The following PCDHGB3 variants were observed in gnomAD, a reference collection of about 807,000 sequenced individuals.
PCDHGB3 encodes protocadherin gamma-B3.
Under a neutral mutation model 59.2 loss-of-function variants are expected in PCDHGB3, and 40 were observed. That is an observed-to-expected ratio of 0.68 (90% CI 0.52 to 0.88). The LOEUF is 0.88. Ranked by LOEUF, PCDHGB3 falls within the 40% of genes least tolerant of loss-of-function variation. The probability of loss-of-function intolerance (pLI) is 0.00; values close to 1 mark genes in which losing one functional copy is unlikely to be tolerated. For synonymous variants in PCDHGB3, 581 were observed against 503.6 expected (o/e 1.15, Z -2.06); for missense variants, 1,309 against 1,187.9 (o/e 1.10, Z -1.50).
At chr5:141,404,296 T>C in intron 1 of PCDHGB3, 1 of 1,613,946 alleles carries the variant, frequency 6.2e-7, no homozygotes, top group Non-Finnish European at 8.5e-7. Flanking sequence ...TCAATGATAA[T>C]CCACCTGCTT....
In PCDHGB3 at chr5:141,371,845, A is replaced by G; in HGVS notation, c.1451A>G (p.Asn484Ser). ...VRASDPDLGP[N>S]GLVSYYIVAS... ...GCCTCGGATCCCGACTTGGGACCTA[A>G]TGGCCTTGTCTCCTACTACATCGTG... Residue 484 changes from asparagine (N) to serine (S), a missense_variant, in exon 1 of 4, where the codon AAT becomes AGT. Coordinates refer to ENST00000576222, the MANE Select transcript of PCDHGB3 (RefSeq NM_018924.5). 1 of 1,613,664 alleles carries G rather than the reference A, an allele frequency of 6.2e-7. No homozygotes were observed. The highest frequency in any genetic ancestry group is 8.5e-7 in the Non-Finnish European group (1 of 1,179,892).
intron 1 of PCDHGB3, chr5:141,409,547 G>A (rs760802690): frequency 1.2e-6 from 2 of 1,613,936 alleles, no homozygotes; most frequent in Non-Finnish European, 1.7e-6. Flanking sequence ...CAACGACAAC[G>A]CCCCAGTTTT....
In PCDHGB3 at chr5:141,389,782, G is replaced by C. The variant is rs768524617; in HGVS notation, c.2415+16973G>C. 4 of 1,613,192 alleles carry C rather than the reference G, an allele frequency of 2.5e-6. No individual in the cohort carries two copies. In the African/African-American group the frequency reaches 5.3e-5, roughly 22 times the overall value. On this transcript the variant is annotated intron_variant, in intron 1 of 3. Transcript: ENST00000576222. ...CGCACAGCGCGTGCCTTAGGCGACAGGGACGCCGTCCGCCAGCGCCTTCTG... is the reference window on the plus strand; with the variant it reads ...CGCACAGCGCGTGCCTTAGGCGACACGGACGCCGTCCGCCAGCGCCTTCTG...
intron 1 of PCDHGB3, chr5:141,384,111 G>A: frequency 6.2e-7 from 1 of 1,604,746 alleles, no homozygotes; most frequent in Non-Finnish European, 8.5e-7. Context: ...ATTATAGATT[G>A]GTCACAACCA....
chr5:141,375,317 C>A (rs758382127), intron 1 of PCDHGB3: 10 of 1,613,790 alleles, frequency 6.2e-6, no homozygotes, highest in South Asian at 2.2e-5. Flanking sequence ...AGCTCTAGAC[C>A]GGGAAGAGGT....
chr5:141,397,087 A>G (rs1386683594), intron 1 of PCDHGB3, among the ~76,000 whole-genome samples: 3 of 152,240 alleles, frequency 2.0e-5, no homozygotes, highest in African/African-American at 7.2e-5. Context: ...AAGTCATTTC[A>G]GATAGGATAA....
chr5:141,420,238 T>C, intron 1 of PCDHGB3: 2 of 1,594,838 alleles, frequency 1.3e-6, no homozygotes, highest in South Asian at 1.1e-5. Context: ...GCATTTTAAC[T>C]CCCAGCGTTG....
At chr5:141,416,859 G>C (rs1411419006) in intron 1 of PCDHGB3, 1 of 151,936 alleles carries the variant, frequency 6.6e-6, no homozygotes, top group African/African-American at 2.4e-5. Context: ...ATTTTTTTCA[G>C]GTCAGTCAAC....
At chr5:141,475,950 C>T (rs1236145505) in intron 1 of PCDHGB3, 3 of 761,526 alleles carry the variant, frequency 3.9e-6, no homozygotes, top group East Asian at 2.7e-5. Context: ...CCCCTTTCTG[C>T]GCCCCGGGAT....
intron 1 of PCDHGB3, chr5:141,430,826 CT>C (rs765096486): frequency 1.3e-6 from 2 of 1,550,416 alleles, no homozygotes; most frequent in East Asian, 2.2e-5. Flanking sequence ...CCTGGGGACT[CT>C]GTGGGAGACC....
intron 1 of PCDHGB3, chr5:141,390,162 A>G: frequency 6.2e-7 from 1 of 1,614,024 alleles, no homozygotes; most frequent in African/African-American, 1.3e-5. Context: ...TACAGGAAAG[A>G]CGGAGTTTAA....
intron 1 of PCDHGB3, chr5:141,422,654 C>T: frequency 1.2e-6 from 2 of 1,610,030 alleles, no homozygotes; most frequent in Non-Finnish European, 1.7e-6. Flanking sequence ...TTCTCAGTGA[C>T]CGCCCTCGAC....
chr5:141,409,409 A>C, intron 1 of PCDHGB3: 4 of 1,614,046 alleles, frequency 2.5e-6, no homozygotes, highest in Non-Finnish European at 3.4e-6. Flanking sequence ...TAACTACTAC[A>C]AACTGGTGAC....
intron 1 of PCDHGB3, chr5:141,391,966 T>A (rs1389260854): frequency 1.3e-5 from 2 of 152,162 alleles, no homozygotes; most frequent in African/African-American, 2.4e-5. Context: ...ACAATGTAAA[T>A]AAAATAGCAA....
chr5:141,451,536 G>A (rs1183287437), intron 1 of PCDHGB3, among the ~76,000 whole-genome samples: 1 of 152,202 alleles, frequency 6.6e-6, no homozygotes, highest in Non-Finnish European at 1.5e-5. Context: ...GAGAGTGCCA[G>A]AGAGGGCAAA....
chr5:141,430,458 A>G, intron 1 of PCDHGB3: 1 of 204,230 alleles, frequency 4.9e-6, no homozygotes, highest in Non-Finnish European at 9.7e-6. Context: ...GAAGAACAGT[A>G]GGTGGAGCTA....
Position 141,490,486 on chromosome 5 carries a change from G to A in PCDHGB3, c.2416-4321G>A, listed in dbSNP as rs1187388706. The A allele has an allele frequency of 1.2e-6, 2 of 1,614,090 alleles. No individual in the cohort carries two copies. On this transcript the variant is annotated intron_variant, in intron 1 of 3. Transcript: ENST00000576222. The surrounding 1 kb of genome is among the most constrained non-coding windows in gnomAD (Gnocchi z 5.4). ...AACCAGCCAGCCTTTGGACCGGGAG[G>A]CCACATCCCACTATATCATCGAGCT...
intron 1 of PCDHGB3, chr5:141,478,545 A>T: frequency 6.2e-7 from 1 of 1,605,606 alleles, no homozygotes; most frequent in Admixed American, 1.7e-5. Context: ...CCTCCCGGAC[A>T]GGTAAGGTTT....
At chr5:141,403,638 A>C in intron 1 of PCDHGB3, 1 of 1,613,906 alleles carries the variant, frequency 6.2e-7, no homozygotes, top group East Asian at 2.2e-5. Context: ...GTGCGCATCC[A>C]TGTGACAGTG....
Sources: allele counts gnomAD v4.1 joint callset (sites outside exome capture counted in the v4.1 genomes callset), GRCh38; gene constraint gnomAD v4.1.1; non-coding constraint Gnocchi (gnomAD v3.1); transcripts MANE v1.5; gene names NCBI Gene and HGNC (gene_info 2026-07-23, HGNC 2026-07-21).